Variants in BMP7 observed in about 807,000 individuals in gnomAD.
BMP7 encodes osteogenic protein 1.
A neutral mutation model predicts 41.2 loss-of-function variants in BMP7; 12 were observed. The ratio of observed to expected loss-of-function variants is 0.29; its 90% CI spans 0.19 to 0.47. BMP7 has a LOEUF of 0.47. BMP7 is among the 20% of genes least tolerant of loss of function. The pLI is 0.99. For missense variants in BMP7, 467 were observed against 606.0 expected (o/e 0.77, Z 2.41); for synonymous variants, 248 against 250.0 (o/e 0.99, Z 0.07).
At chr20:57,184,623 A>C (rs991349011) in intron 3 of BMP7, among the ~76,000 whole-genome samples, 7 of 152,126 alleles carry the variant, frequency 4.6e-5, no homozygotes, top group African/African-American at 1.4e-4. Flanking sequence ...ACCCACACAG[A>C]GCCTCAGGAT....
At chr20:57,247,504 C>T (rs1480140617) in intron 1 of BMP7, among the ~76,000 whole-genome samples, 1 of 152,176 alleles carries the variant, frequency 6.6e-6, no homozygotes, top group African/African-American at 2.4e-5. Flanking sequence ...CACCTCTCAG[C>T]TTCTCCCCTA....
chr20:57,170,737 T>G lies in BMP7; in HGVS notation c.*222A>C, dbSNP rs1036371557. On this transcript the variant is annotated 3_prime_UTR_variant, in exon 7 of 7. Transcript: ENST00000395863. ...GTTGTTTTTTTTTCCTGCTAGGTTT[T>G]GCCTGCACAGCTTGTAGGATCTTGT... 2 of 590,510 alleles carry G rather than the reference T, an allele frequency of 3.4e-6. No individual in the cohort carries two copies. The highest frequency in any genetic ancestry group is 5.9e-6 in the Non-Finnish European group (2 of 341,250). 36.6% of individuals were successfully genotyped at this position (590,510 alleles called of 1,614,324 possible).
chr20:57,232,289 C>T (rs549143107), intron 1 of BMP7, among the ~76,000 whole-genome samples: 2 of 152,280 alleles, frequency 1.3e-5, no homozygotes, highest in South Asian at 2.1e-4. Flanking sequence ...GAGAAAGCCA[C>T]AGGTGAGCCA....
At chr20:57,210,435 A>G (rs1984852061) in intron 2 of BMP7, among the ~76,000 whole-genome samples, 1 of 152,228 alleles carries the variant, frequency 6.6e-6, no homozygotes, top group Admixed American at 6.5e-5. Context: ...GAAGGCAGGA[A>G]GTCCTTTTTT....
intron 1 of BMP7, among the ~76,000 whole-genome samples, chr20:57,255,386 C>T (rs1351418257): frequency 6.6e-6 from 1 of 152,192 alleles, no homozygotes; most frequent in African/African-American, 2.4e-5. Context: ...TGCTGCTACA[C>T]AGAAAGGTCT....
At chr20:57,240,984 C>T (rs987696277) in intron 1 of BMP7, among the ~76,000 whole-genome samples, 1 of 152,230 alleles carries the variant, frequency 6.6e-6, no homozygotes, top group African/African-American at 2.4e-5. Flanking sequence ...AGCCCTCCCA[C>T]TGGCCTGGCT....
intron 1 of BMP7, chr20:57,244,181 C>T (rs2066080706): frequency 6.6e-6 from 1 of 152,258 alleles, no homozygotes; most frequent in Admixed American, 6.5e-5. Context: ...GGTGGGTGAT[C>T]TAGGGTGGGC....
intron 4 of BMP7, among the ~76,000 whole-genome samples, chr20:57,180,757 CGGAATCCCTACACACTCT>C (rs1008686947): frequency 2.0e-5 from 3 of 152,120 alleles, no homozygotes; most frequent in Non-Finnish European, 4.4e-5. Context: ...AGAAAATATA[CGGAATCCCTACACACTCT>C]GGGCCACACA....
chr20:57,222,452 C>T (rs986341748), intron 2 of BMP7, among the ~76,000 whole-genome samples: 1 of 152,016 alleles, frequency 6.6e-6, no homozygotes, highest in Non-Finnish European at 1.5e-5. Context: ...AGCTGGGTGG[C>T]TTTTTCCAGA....
chr20:57,200,481 G>A (rs1028595114), intron 3 of BMP7, among the ~76,000 whole-genome samples: 7 of 152,192 alleles, frequency 4.6e-5, no homozygotes, highest in Admixed American at 4.6e-4. Context: ...ATGAGGGCAG[G>A]ACTGGTAGTA....
At chr20:57,262,909 G>T (rs536555361) in intron 1 of BMP7, among the ~76,000 whole-genome samples, 3 of 152,142 alleles carry the variant, frequency 2.0e-5, no homozygotes, top group Non-Finnish European at 4.4e-5. Context: ...AAACTCAGTG[G>T]CCAGACAAGT....
intron 2 of BMP7, among the ~76,000 whole-genome samples, chr20:57,223,229 C>CAA (rs35071781): frequency 1.6e-4 from 10 of 62,416 alleles, no homozygotes; most frequent in African/African-American, 9.6e-4. Flanking sequence ...GACTCCATCT[C>CAA]AAAAAAAAAA....
chr20:57,172,864 A>G (rs1983841808), intron 6 of BMP7: 1 of 574,124 alleles, frequency 1.7e-6, no homozygotes, highest in Non-Finnish European at 3.1e-6. Flanking sequence ...TGTTTCCTCT[A>G]CTGGAAAATG....
intron 2 of BMP7, among the ~76,000 whole-genome samples, chr20:57,226,896 G>A (rs1029215951): frequency 6.9e-6 from 1 of 144,556 alleles, no homozygotes; most frequent in Admixed American, 7.2e-5. Flanking sequence ...GCACCATCTC[G>A]GCTCACTGCA....
chr20:57,204,964 A>G (rs1408763267), intron 2 of BMP7, among the ~76,000 whole-genome samples: 3 of 152,032 alleles, frequency 2.0e-5, no homozygotes, highest in South Asian at 2.1e-4. Context: ...GTCTTTATGA[A>G]TGGGTTTGAG....
intron 1 of BMP7, among the ~76,000 whole-genome samples, chr20:57,243,269 G>C (rs778289055): frequency 1.3e-5 from 2 of 152,008 alleles, no homozygotes; most frequent in Non-Finnish European, 2.9e-5. Context: ...TGTATCACTT[G>C]AGTCCGGGAG....
intron 1 of BMP7, among the ~76,000 whole-genome samples, chr20:57,254,242 C>T (rs1456775826): frequency 3.9e-5 from 6 of 151,910 alleles, no homozygotes; most frequent in Non-Finnish European, 5.9e-5. Flanking sequence ...AGGCTGGTCT[C>T]GAACTCCTGA....
Position 57,265,979 on chromosome 20 carries a change from G to A in BMP7, c.144C>T (p.Ser48=). The A allele has an allele frequency of 6.4e-7, 1 of 1,551,346 alleles. No individual in the cohort carries two copies. The highest frequency in any genetic ancestry group is 1.2e-5 in the South Asian group (1 of 84,092). The change falls in exon 1 of 7, where the codon AGC becomes AGT. Residue 48 remains serine, a synonymous_variant. Coordinates refer to ENST00000395863, the MANE Select transcript of BMP7 (RefSeq NM_001719.3). Reference sequence around the variant, plus strand: ...CGCGCTGCATCTCCCGCCGCTCCTGGCTGCGGAGGCGCCGGTGGATGAAGC... The same window carrying A: ...CGCGCTGCATCTCCCGCCGCTCCTGACTGCGGAGGCGCCGGTGGATGAAGC... ...HSSFIHRRLR[S]QERREMQREI...
intron 2 of BMP7, among the ~76,000 whole-genome samples, chr20:57,208,874 T>C (rs1984805789): frequency 6.6e-6 from 1 of 152,074 alleles, no homozygotes; most frequent in Non-Finnish European, 1.5e-5. Flanking sequence ...ATGTCCCAAA[T>C]AGGCAAATCC....
Sources: gnomAD v4.1 joint callset for allele counts (sites outside exome capture counted in the v4.1 genomes callset) on GRCh38, gnomAD v4.1.1 for gene constraint, MANE v1.5 for transcripts, NCBI Gene and HGNC (gene_info 2026-07-23, HGNC 2026-07-21) for gene names.